COPA: variants seen among roughly 807,000 people sequenced by gnomAD.
COPA encodes the protein coatomer subunit alpha.
Under a neutral mutation model 158.7 loss-of-function variants are expected in COPA, and 10 were observed. The ratio of observed to expected loss-of-function variants is 0.06; its 90% CI spans 0.04 to 0.11. The LOEUF is 0.11. Ranked by LOEUF, COPA falls within the 10% of genes least tolerant of loss-of-function variation. The probability of loss-of-function intolerance (pLI) is 1.00; values close to 1 mark genes in which losing one functional copy is unlikely to be tolerated. For missense variants in COPA, 1,065 were observed against 1,536.7 expected (o/e 0.69, Z 5.13); for synonymous variants, 462 against 542.8 (o/e 0.85, Z 2.07).
At chr1:160,321,023 C>T (rs1659318271) in intron 8 of COPA, among the ~76,000 whole-genome samples, 1 of 152,090 alleles carries the variant, frequency 6.6e-6, no homozygotes, top group African/African-American at 2.4e-5. Flanking sequence ...GGATTCATTT[C>T]AGGGATGCAA....
chr1:160,308,062 C>A (rs1041142299), intron 13 of COPA, among the ~76,000 whole-genome samples: 1 of 152,148 alleles, frequency 6.6e-6, no homozygotes, highest in Non-Finnish European at 1.5e-5. Context: ...CTCTGTTGCC[C>A]ACCACTGGGC....
At chr1:160,325,154 C>G (rs572201730) in intron 7 of COPA, among the ~76,000 whole-genome samples, 2 of 151,014 alleles carry the variant, frequency 1.3e-5, no homozygotes, top group Non-Finnish European at 2.9e-5. Flanking sequence ...AGAACAAAAA[C>G]TAGTTTCTTT....
At chr1:160,294,709 A>G in intron 24 of COPA, 59 bp downstream of exon 24, 2 of 1,601,424 alleles carry the variant, frequency 1.2e-6, no homozygotes, top group Middle Eastern at 3.3e-4. Context: ...GCTACCCACA[A>G]CCCAGTCCCA....
chr1:160,326,595 T>C (rs1162495721), intron 6 of COPA, among the ~76,000 whole-genome samples: 1 of 152,156 alleles, frequency 6.6e-6, no homozygotes, highest in Non-Finnish European at 1.5e-5. Context: ...CGACAGCTGA[T>C]GGGGGAAGTT....
chr1:160,310,610 T>C (rs747950526), intron 11 of COPA: 57 of 158,508 alleles, frequency 3.6e-4, no homozygotes, highest in Admixed American at 6.5e-4. Flanking sequence ...TAATGTGATT[T>C]GTCTCTGGCT....
chr1:160,295,595 C>A (rs541034875), intron 23 of COPA, 141 bp downstream of exon 23: 48 of 915,050 alleles, frequency 5.2e-5, no homozygotes, highest in Non-Finnish European at 6.8e-5. Flanking sequence ...AAGACTGCAC[C>A]ATAAATGACT....
intron 5 of COPA, among the ~76,000 whole-genome samples, chr1:160,333,070 C>A (rs1647603734): frequency 6.6e-6 from 1 of 152,194 alleles, no homozygotes; most frequent in African/African-American, 2.4e-5. Flanking sequence ...ACTATAGGCA[C>A]ACGCCACCGC....
chr1:160,312,409 A>G (rs1029032880), intron 10 of COPA, among the ~76,000 whole-genome samples: 20 of 152,236 alleles, frequency 1.3e-4, no homozygotes, highest in Admixed American at 3.3e-4. Context: ...TAAAAAGAGT[A>G]TAAGAAGTAT....
In COPA at chr1:160,322,724, C is replaced by T. The variant is rs370396395; in HGVS notation, c.706+707G>A. Among the ~76,000 whole-genome samples the T allele has an allele frequency of 3.3e-4, 51 of 152,244 alleles. 1 individual carries two copies. The South Asian group carries it at 7.3e-3, about 22-fold the overall frequency. On this transcript the variant is annotated intron_variant, in intron 8 of 32. Coordinates refer to ENST00000241704, the MANE Select transcript of COPA (RefSeq NM_004371.4). Reference sequence around the variant, plus strand: ...GCAAGGGTATGGAGAAAGGGGAACCCTCCTGCACTGTTGGTGGGAATGTAA... The same window carrying T: ...GCAAGGGTATGGAGAAAGGGGAACCTTCCTGCACTGTTGGTGGGAATGTAA...
At chr1:160,299,671 A>C (rs1658535880) in intron 17 of COPA, among the ~76,000 whole-genome samples, 1 of 148,188 alleles carries the variant, frequency 6.7e-6, no homozygotes, top group South Asian at 2.1e-4. Context: ...AATAATAATA[A>C]ATAGATTGCA....
At chr1:160,314,868 A>G (rs1452287205) in intron 8 of COPA, among the ~76,000 whole-genome samples, 1 of 152,146 alleles carries the variant, frequency 6.6e-6, no homozygotes, top group Non-Finnish European at 1.5e-5. Context: ...CAAAGGAGGT[A>G]CTCAATAAAT....
chr1:160,319,232 C>T (rs1376158833), intron 8 of COPA, among the ~76,000 whole-genome samples: 1 of 151,938 alleles, frequency 6.6e-6, no homozygotes, highest in African/African-American at 2.4e-5. Flanking sequence ...GCAGGCGTAG[C>T]TATACTTACA....
At chr1:160,318,196 C>A (rs973493454) in intron 8 of COPA, among the ~76,000 whole-genome samples, 22 of 152,112 alleles carry the variant, frequency 1.4e-4, no homozygotes, top group African/African-American at 5.1e-4. Context: ...AGAGGAATAT[C>A]GGGTTGAAGT....
Position 160,290,598 on chromosome 1 carries a change from G to C in COPA, c.3509C>G (p.Ala1170Gly). 1 of 1,614,190 alleles carries C rather than the reference G, an allele frequency of 6.2e-7. No homozygotes were observed. Among genetic ancestry groups the C allele is most frequent in the Non-Finnish European group, 8.5e-7 (1 of 1,180,040 alleles). The change falls in exon 32 of 33, where the codon GCT becomes GGT. Residue 1170 changes from alanine to glycine, a missense_variant. Around this residue, in one of 2 missense-constraint regions of COPA, gnomAD observed 980 missense variants for 1,357.8 expected, o/e 0.72. Coordinates refer to ENST00000241704, the MANE Select transcript of COPA (RefSeq NM_004371.4). ...ACGGTAGATGGGCCGATATGATGCA[G>C]CACAAATGTCAAAGGGGTTGTGCAT... ...YDMHNPFDIC[A>G]ASYRPIYRGK...
rs1658814782 is a variant in COPA at position 160,307,150 on chromosome 1, A to G, written c.1302+13T>C. ...ACTCCCCAAATTAGTTTCTGCTTTT[A>G]GTCTTAACTCACCGAATGCATCCGA... is the stretch of plus-strand genomic sequence containing the variant. On this transcript the variant is annotated intron_variant, in intron 14 of 32. Transcript: ENST00000241704. 1.2e-6 allele frequency: 2 copies of G among 1,613,634 alleles called. No individual in the cohort carries two copies. The highest frequency in any genetic ancestry group is 1.7e-6 in the Non-Finnish European group (2 of 1,179,696).
At chr1:160,303,078 C>A (rs1371398563) in intron 17 of COPA, among the ~76,000 whole-genome samples, 1 of 151,972 alleles carries the variant, frequency 6.6e-6, no homozygotes, top group African/African-American at 2.4e-5. Flanking sequence ...GAGGCTGAGG[C>A]AGGAGAATCA....
At chr1:160,331,034 C>T (rs1258591799) in intron 6 of COPA, among the ~76,000 whole-genome samples, 3 of 151,152 alleles carry the variant, frequency 2.0e-5, no homozygotes, top group Non-Finnish European at 4.4e-5. Flanking sequence ...ATTAGCTGGG[C>T]ATGGTGGCAC....
At chr1:160,320,606 C>T (rs1255831221) in intron 8 of COPA, among the ~76,000 whole-genome samples, 6 of 14,368 alleles carry the variant, frequency 4.2e-4, no homozygotes, top group African/African-American at 3.5e-3. Flanking sequence ...GAGACTCCAA[C>T]TCAAAAAAAA....
At chr1:160,317,067 G>A (rs761870572) in intron 8 of COPA, among the ~76,000 whole-genome samples, 5 of 151,996 alleles carry the variant, frequency 3.3e-5, no homozygotes, top group African/African-American at 4.8e-5. Context: ...CAGGCCAAGA[G>A]AGAGAGGAAT....
Sources: allele counts gnomAD v4.1 joint callset (sites outside exome capture counted in the v4.1 genomes callset), GRCh38; gene constraint gnomAD v4.1.1; regional missense constraint gnomAD v4.1.1; transcripts MANE v1.5; gene names NCBI Gene and HGNC (gene_info 2026-07-23, HGNC 2026-07-21).